TM4SF4: variants seen among roughly 807,000 people sequenced by gnomAD.
The protein encoded by TM4SF4 is transmembrane 4 L6 family member 4.
Under a neutral mutation model 24.1 loss-of-function variants are expected in TM4SF4, and 24 were observed. The ratio of observed to expected loss-of-function variants is 1.00; its 90% confidence interval spans 0.72 to 1.40. The LOEUF is 1.40. Among genes scored for constraint, TM4SF4 ranks in the 40% most tolerant of loss-of-function variants. The pLI is 0.00. For synonymous variants in TM4SF4, 113 were observed against 97.0 expected, an observed-to-expected ratio of 1.17 and a Z score of -0.97; for missense variants, 254 against 254.2, an observed-to-expected ratio of 1.00 and a Z score of 0.01.
At chr3:149,487,529 C>T (rs1734139494) in intron 2 of TM4SF4, 90 bp from the exon 3 acceptor site, 2 of 1,505,756 alleles carry the variant, frequency 1.3e-6, no homozygotes, top group Admixed American at 3.4e-5. Context: ...TTCTTGTAGT[C>T]ACCATGTTCA....
At chr3:149,486,018 G>T (rs949570382) in intron 2 of TM4SF4, among the ~76,000 whole-genome samples, 1 of 152,024 alleles carries the variant, frequency 6.6e-6, no homozygotes, top group South Asian at 2.1e-4. Flanking sequence ...CTATTAAAAA[G>T]ACTTTTTTTA....
intron 4 of TM4SF4, among the ~76,000 whole-genome samples, chr3:149,499,917 C>T (rs1332211784): frequency 1.3e-5 from 2 of 152,068 alleles, no homozygotes; most frequent in Admixed American, 6.6e-5. Context: ...ATAAGCATTA[C>T]ATGTATATAA....
chr3:149,494,754 A>T (rs1171021133), intron 3 of TM4SF4: 1 of 152,488 alleles, frequency 6.6e-6, no homozygotes, highest in East Asian at 1.9e-4. Flanking sequence ...GACAAACATG[A>T]TATAAATCAC....
chr3:149,498,920 A>G lies in TM4SF4; in HGVS notation c.591+9A>G. ...GTTGTGGCTGCTGTGGGGTAAGTTCAGGCTTTTGCTGTTTCTTCTCAGCAT... is the reference window on the plus strand; with the variant it reads ...GTTGTGGCTGCTGTGGGGTAAGTTCGGGCTTTTGCTGTTTCTTCTCAGCAT... On this transcript the variant is annotated intron_variant, in intron 4 of 4. Coordinates refer to ENST00000305354, the MANE Select transcript of TM4SF4 (RefSeq NM_004617.4). 6.2e-7 allele frequency: 1 copy of G among 1,613,442 alleles called. No individual in the cohort carries two copies. Among genetic ancestry groups the G allele is most frequent in the South Asian group, 1.1e-5 (1 of 91,026 alleles).
chr3:149,475,651 A>C, intron 1 of TM4SF4, 172 bp from the exon 2 acceptor site: 1 of 555,622 alleles, frequency 1.8e-6, no homozygotes, highest in Non-Finnish European at 3.2e-6. Context: ...CCCAAATGGA[A>C]TCTAAGTACT....
intron 2 of TM4SF4, among the ~76,000 whole-genome samples, chr3:149,485,099 A>G (rs1049684445): frequency 6.6e-6 from 1 of 152,222 alleles, no homozygotes; most frequent in Non-Finnish European, 1.5e-5. Context: ...TGAAATAAGG[A>G]CTCAACTCTA....
At chr3:149,496,475 A>G (rs1734312900) in intron 3 of TM4SF4, among the ~76,000 whole-genome samples, 1 of 152,208 alleles carries the variant, frequency 6.6e-6, no homozygotes, top group Non-Finnish European at 1.5e-5. Flanking sequence ...TTAATGAGAA[A>G]AAAAAAGTAC....
chr3:149,486,379 T>A (rs1734116074), intron 2 of TM4SF4, among the ~76,000 whole-genome samples: 1 of 152,172 alleles, frequency 6.6e-6, no homozygotes, highest in African/African-American at 2.4e-5. Flanking sequence ...TGAGCCTGGG[T>A]CTGGGTCTGC....
At chr3:149,485,654 C>T (rs4681512) in intron 2 of TM4SF4, among the ~76,000 whole-genome samples, 61,609 of 151,856 alleles carry the variant, frequency 0.41, 12,976 homozygotes, top group Non-Finnish European at 0.47. Context: ...ATTAGTTGGG[C>T]ATGGTGGTGC....
At chr3:149,493,629 G>A (rs1050599922) in intron 3 of TM4SF4, among the ~76,000 whole-genome samples, 2 of 152,254 alleles carry the variant, frequency 1.3e-5, no homozygotes, top group South Asian at 2.1e-4. Flanking sequence ...GGAAATGAGA[G>A]CTGCTGCTAT....
At chr3:149,494,540 A>C (rs1734277096) in intron 3 of TM4SF4, 1 of 152,086 alleles carries the variant, frequency 6.6e-6, no homozygotes, top group Non-Finnish European at 1.5e-5. Context: ...GAAAGGACTA[A>C]ATGGAAAAAT....
intron 2 of TM4SF4, among the ~76,000 whole-genome samples, chr3:149,483,007 T>A (rs996395235): frequency 2.0e-5 from 3 of 152,246 alleles, no homozygotes; most frequent in African/African-American, 7.2e-5. Context: ...GCAGCATGTA[T>A]CTTTCTTCCT....
chr3:149,486,754 G>A (rs1734123023), intron 2 of TM4SF4, among the ~76,000 whole-genome samples: 1 of 152,186 alleles, frequency 6.6e-6, no homozygotes, highest in African/African-American at 2.4e-5. Context: ...GAAGGGGTGA[G>A]AGATGTCAAG....
intron 4 of TM4SF4, among the ~76,000 whole-genome samples, chr3:149,500,338 G>A (rs1734395698): frequency 6.6e-6 from 1 of 151,610 alleles, no homozygotes; most frequent in Non-Finnish European, 1.5e-5. Flanking sequence ...CTTTAATCTA[G>A]CCTATAGTAT....
intron 4 of TM4SF4, among the ~76,000 whole-genome samples, chr3:149,501,246 A>T (rs1385889603): frequency 1.3e-5 from 2 of 152,150 alleles, no homozygotes; most frequent in South Asian, 4.1e-4. Flanking sequence ...CAGTAGATGG[A>T]CTCCATGGTT....
At chr3:149,501,021 CA>C (rs56017202) in intron 4 of TM4SF4, among the ~76,000 whole-genome samples, 76,500 of 105,442 alleles carry the variant, frequency 0.73, 26,503 homozygotes, top group Middle Eastern at 0.84. Context: ...AAGACCTTTC[CA>C]AAAAAAAAAA....
At chr3:149,487,563 G>T in intron 2 of TM4SF4, 56 bp from the exon 3 acceptor site, 1 of 1,605,922 alleles carries the variant, frequency 6.2e-7, no homozygotes, top group South Asian at 1.1e-5. Context: ...TAGGTTTGTT[G>T]AGTGTATCCT....
At chr3:149,485,908 A>C (rs912555128) in intron 2 of TM4SF4, among the ~76,000 whole-genome samples, 1 of 152,228 alleles carries the variant, frequency 6.6e-6, no homozygotes, top group Non-Finnish European at 1.5e-5. Flanking sequence ...ATGAAGAATG[A>C]AGGGTCAGTT....
At chr3:149,485,869 T>C (rs1177556455) in intron 2 of TM4SF4, among the ~76,000 whole-genome samples, 1 of 152,192 alleles carries the variant, frequency 6.6e-6, no homozygotes, top group Admixed American at 6.5e-5. Flanking sequence ...TAGAAATTTG[T>C]GCAATCTAGA....
Sources: gnomAD v4.1 joint callset for allele counts (sites outside exome capture counted in the v4.1 genomes callset) on GRCh38, gnomAD v4.1.1 for gene constraint, MANE v1.5 for transcripts, NCBI Gene and HGNC (gene_info 2026-07-23, HGNC 2026-07-21) for gene names.